Variants in NTNG1 observed in about 807,000 individuals in gnomAD.
The protein encoded by NTNG1 is netrin-G1.
A neutral mutation model predicts 54.0 loss-of-function variants in NTNG1; 16 were observed. The ratio of observed to expected loss-of-function variants is 0.30; its 90% CI spans 0.20 to 0.45. NTNG1 has a LOEUF of 0.45. Among genes scored for constraint, NTNG1 ranks in the 20% least tolerant of loss-of-function variants. The pLI is 1.00. For synonymous variants in NTNG1, 255 were observed against 263.1 expected (o/e 0.97, Z 0.30); for missense variants, 530 against 678.7 (o/e 0.78, Z 2.43).
At chr1:107,232,327 A>G (rs1328891605) in intron 2 of NTNG1, among the ~76,000 whole-genome samples, 1 of 152,236 alleles carries the variant, frequency 6.6e-6, no homozygotes, top group Non-Finnish European at 1.5e-5. Flanking sequence ...AGAAACCACA[A>G]AATGACTGCT....
At chr1:107,422,476 G>A (rs1449096821) in intron 5 of NTNG1, among the ~76,000 whole-genome samples, 2 of 152,020 alleles carry the variant, frequency 1.3e-5, no homozygotes, top group Non-Finnish European at 2.9e-5. Flanking sequence ...GCACCAATGA[G>A]GTCCAGACAC....
intron 2 of NTNG1, among the ~76,000 whole-genome samples, chr1:107,244,610 T>C (rs1662065697): frequency 6.6e-6 from 1 of 152,238 alleles, no homozygotes; most frequent in South Asian, 2.1e-4. Context: ...TTCAGTAATT[T>C]TGTATATTGT....
chr1:107,196,638 G>GTAAATA (rs1658354984), intron 2 of NTNG1, among the ~76,000 whole-genome samples: 1 of 151,854 alleles, frequency 6.6e-6, no homozygotes, highest in Non-Finnish European at 1.5e-5. Flanking sequence ...AGTAAATGAT[G>GTAAATA]ACAACATAAC....
At chr1:107,256,797 G>A (rs189195434) in intron 2 of NTNG1, among the ~76,000 whole-genome samples, 156 of 152,298 alleles carry the variant, frequency 1.0e-3, no homozygotes, top group African/African-American at 3.6e-3. Context: ...AGAAACTAGA[G>A]AGCAAATGAA....
At chr1:107,229,316 A>G (rs769606117) in intron 2 of NTNG1, among the ~76,000 whole-genome samples, 25 of 148,740 alleles carry the variant, frequency 1.7e-4, no homozygotes, top group Admixed American at 6.1e-4. Context: ...TCATTTTCTC[A>G]TCAAGTATGC....
chr1:107,256,130 T>C (rs976981790), intron 2 of NTNG1, among the ~76,000 whole-genome samples: 3 of 152,240 alleles, frequency 2.0e-5, no homozygotes, highest in African/African-American at 7.2e-5. Flanking sequence ...AATTATTTGA[T>C]GGCTAAATGT....
At chr1:107,183,146 A>T (rs1657195385) in intron 2 of NTNG1, among the ~76,000 whole-genome samples, 1 of 152,154 alleles carries the variant, frequency 6.6e-6, no homozygotes, top group Non-Finnish European at 1.5e-5. Flanking sequence ...CATCACAAAC[A>T]TTCATTATCC....
chr1:107,412,242 A>G lies in NTNG1; in HGVS notation c.1087+4534A>G, dbSNP rs559960156. The stretch of plus-strand genomic sequence containing the variant: ...GAGACTTTAGACATGTTAACTATGA[A>G]TTCCTGTACTGTGCCAGTTACTTCA... On this transcript the variant is annotated intron_variant, in intron 5 of 7. Transcript: ENST00000370068. Among the ~76,000 whole-genome samples, 250 of 152,268 alleles carry G rather than the reference A, an allele frequency of 1.6e-3. 1 individual carries two copies. Among genetic ancestry groups the G allele is most frequent in the African/African-American group, 5.8e-3 (241 of 41,558 alleles).
chr1:107,352,100 T>C (rs1039578686), intron 3 of NTNG1, among the ~76,000 whole-genome samples: 1 of 152,240 alleles, frequency 6.6e-6, no homozygotes, highest in African/African-American at 2.4e-5. Flanking sequence ...CTGTGGCTGC[T>C]TTCATGGGTT....
chr1:107,324,163 T>A (rs1667811465), intron 2 of NTNG1, 119 bp from the exon 3 acceptor site: 1 of 858,624 alleles, frequency 1.2e-6, no homozygotes, highest in Non-Finnish European at 1.9e-6. Context: ...CAAATAAAAA[T>A]GATTACTGAA....
intron 2 of NTNG1, among the ~76,000 whole-genome samples, chr1:107,177,301 G>C (rs1309520895): frequency 6.6e-6 from 1 of 151,706 alleles, no homozygotes; most frequent in African/African-American, 2.4e-5. Flanking sequence ...AAGTCACCTG[G>C]TCTCCTTCTC....
intron 3 of NTNG1, among the ~76,000 whole-genome samples, chr1:107,357,221 G>A (rs1669985695): frequency 1.3e-5 from 2 of 152,076 alleles, no homozygotes; most frequent in Admixed American, 1.3e-4. Flanking sequence ...TATAGTATAT[G>A]AGAGTACTAT....
At chr1:107,411,607 C>G (rs1044992853) in intron 5 of NTNG1, among the ~76,000 whole-genome samples, 4 of 152,008 alleles carry the variant, frequency 2.6e-5, no homozygotes, top group Non-Finnish European at 5.9e-5. Flanking sequence ...TTCCCCTTTG[C>G]TTTAATACTT....
rs567540497 is a variant in NTNG1 at position 107,363,640 on chromosome 1, T to G, written c.888-31514T>G. ...CATGCTTTTATTTGCTTTTTCCCTT[T>G]GTGGAATGTGGATCCTCTCTTGCCA... On this transcript the variant is annotated intron_variant, in intron 3 of 7. Coordinates refer to ENST00000370068, the MANE Select transcript of NTNG1 (RefSeq NM_001113226.3). Among the ~76,000 whole-genome samples, 4 of 152,302 alleles carry G rather than the reference T, an allele frequency of 2.6e-5. No individual in the cohort carries two copies. The East Asian group carries it at 7.7e-4, about 29-fold the overall frequency.
At chr1:107,454,529 A>G (rs1052033333) in intron 7 of NTNG1, among the ~76,000 whole-genome samples, 1 of 151,720 alleles carries the variant, frequency 6.6e-6, no homozygotes, top group African/African-American at 2.4e-5. Flanking sequence ...CAAGCCAAAT[A>G]TCCTGTGTCT....
intron 2 of NTNG1, among the ~76,000 whole-genome samples, chr1:107,170,147 T>C (rs1039714209): frequency 6.6e-6 from 1 of 152,164 alleles, no homozygotes; most frequent in African/African-American, 2.4e-5. Flanking sequence ...GACTGTAGCC[T>C]AGACGAGTTG....
chr1:107,231,836 T>G (rs1357113764), intron 2 of NTNG1, among the ~76,000 whole-genome samples: 1 of 151,860 alleles, frequency 6.6e-6, no homozygotes, highest in Non-Finnish European at 1.5e-5. Context: ...GAAATGAAAT[T>G]AACATATGGC....
chr1:107,436,650 G>T lies in NTNG1; in HGVS notation c.1256-15G>T, dbSNP rs765646538. The T allele has an allele frequency of 3.1e-6, 5 of 1,611,088 alleles. No homozygotes were observed. The highest frequency in any genetic ancestry group is 4.2e-6 in the Non-Finnish European group (5 of 1,178,260). ...CAGACTTGTCTCCAGCCTGTGTGTT[G>T]TCTTGTTTCTACAGAGTGTTATTGT... On this transcript the variant is annotated splice_polypyrimidine_tract_variant and intron_variant, in intron 6 of 7. Transcript: ENST00000370068.
intron 2 of NTNG1, among the ~76,000 whole-genome samples, chr1:107,223,577 G>T (rs78236136): frequency 6.6e-6 from 1 of 152,038 alleles, no homozygotes; most frequent in African/African-American, 2.4e-5. Context: ...ACTATGTTTT[G>T]TTATAGCTAA....
Sources: gnomAD v4.1 joint callset for allele counts (sites outside exome capture counted in the v4.1 genomes callset) on GRCh38, gnomAD v4.1.1 for gene constraint, MANE v1.5 for transcripts, NCBI Gene and HGNC (gene_info 2026-07-23, HGNC 2026-07-21) for gene names.